The following PKP4 variants were observed in gnomAD, a reference collection of about 807,000 sequenced individuals.
PKP4 encodes plakophilin-4.
A neutral mutation model predicts 145.1 loss-of-function variants in PKP4; 90 were observed. The ratio of observed to expected loss-of-function variants is 0.62; its 90% CI spans 0.52 to 0.74. The LOEUF (loss-of-function observed/expected upper bound fraction) is 0.74, where lower values mean the gene tolerates loss of function less well. PKP4 is among the 30% of genes least tolerant of loss of function. The pLI, the probability that PKP4 is intolerant of heterozygous loss-of-function variation, is 0.00. For missense variants in PKP4, 1,340 were observed against 1,482.7 expected (o/e 0.90, Z 1.58); for synonymous variants, 563 against 577.2 (o/e 0.98, Z 0.35).
chr2:158,462,705 G>A (rs1229179684), intron 1 of PKP4, among the ~76,000 whole-genome samples: 1 of 152,114 alleles, frequency 6.6e-6, no homozygotes, highest in Non-Finnish European at 1.5e-5. Flanking sequence ...GTAGTGAGGT[G>A]TCATGATTAG....
intron 7 of PKP4, among the ~76,000 whole-genome samples, chr2:158,626,710 A>AAAT: frequency 6.6e-6 from 1 of 152,332 alleles, no homozygotes; most frequent in Non-Finnish European, 1.5e-5. Context: ...CCAATCTGAT[A>AAAT]GGTAAAAAGC....
chr2:158,553,648 C>T (rs916758354), intron 2 of PKP4, among the ~76,000 whole-genome samples: 3 of 152,176 alleles, frequency 2.0e-5, no homozygotes, highest in African/African-American at 7.2e-5. Context: ...GACTTTAAAC[C>T]TTGTCCCGCT....
intron 4 of PKP4, among the ~76,000 whole-genome samples, chr2:158,609,362 C>A (rs1265241673): frequency 6.6e-6 from 1 of 152,116 alleles, no homozygotes; most frequent in Non-Finnish European, 1.5e-5. Flanking sequence ...GACCATCAGT[C>A]CACTTAGTCT....
At chr2:158,594,284 TCTTG>T (rs2049527662) in intron 3 of PKP4, among the ~76,000 whole-genome samples, 1 of 152,172 alleles carries the variant, frequency 6.6e-6, no homozygotes, top group Admixed American at 6.5e-5. Flanking sequence ...ATTCAAGTGC[TCTTG>T]CTTTTCTGTA....
At position 158,642,599 on chromosome 2, in the gene PKP4, A is replaced by G; in HGVS notation, c.1809A>G (p.Thr603=). The G allele has an allele frequency of 1.2e-6, 2 of 1,613,852 alleles. No individual in the cohort carries two copies. The highest frequency in any genetic ancestry group is 2.7e-5 in the African/African-American group (2 of 75,068). The change falls in exon 11 of 22, where the codon ACA becomes ACG. Residue 603 remains threonine, a synonymous_variant. Coordinates refer to ENST00000389759, the MANE Select transcript of PKP4 (RefSeq NM_003628.6). The part of the protein sequence containing the change: ...ALRNLVFGKS[T]DENKIAMKNV... ...GAAACCTCGTTTTTGGCAAGTCTAC[A>G]GATGAAAATAAAATAGCAATGAAGA...
intron 2 of PKP4, among the ~76,000 whole-genome samples, chr2:158,552,397 G>A (rs1196796712): frequency 6.6e-6 from 1 of 152,238 alleles, no homozygotes; most frequent in Admixed American, 6.5e-5. Flanking sequence ...TGCTACTACA[G>A]AGTTTGGCAT....
chr2:158,617,022 C>A (rs2051696573), intron 4 of PKP4, among the ~76,000 whole-genome samples: 1 of 152,096 alleles, frequency 6.6e-6, no homozygotes, highest in Non-Finnish European at 1.5e-5. Context: ...GGATAATATA[C>A]CAGATTTTCA....
intron 1 of PKP4, among the ~76,000 whole-genome samples, chr2:158,482,647 G>C (rs541512523): frequency 6.6e-6 from 1 of 152,200 alleles, no homozygotes; most frequent in Non-Finnish European, 1.5e-5. Flanking sequence ...ACCAGTCTGG[G>C]CAACACAGGG....
At chr2:158,480,305 C>T (rs770983835) in intron 1 of PKP4, among the ~76,000 whole-genome samples, 5 of 152,116 alleles carry the variant, frequency 3.3e-5, no homozygotes, top group Non-Finnish European at 5.9e-5. Context: ...AGTGCGATCT[C>T]GGCTCACTGC....
intron 17 of PKP4, 120 bp from the exon 18 acceptor site, chr2:158,673,557 C>T: frequency 1.3e-6 from 1 of 748,206 alleles, no homozygotes; most frequent in African/African-American, 1.7e-5. Context: ...CTGCAGTAGC[C>T]TCCATCCCTG....
chr2:158,484,083 G>C (rs1031594631), intron 1 of PKP4, among the ~76,000 whole-genome samples: 1 of 148,568 alleles, frequency 6.7e-6, no homozygotes, highest in Admixed American at 6.8e-5. Context: ...CGCCCAGGCC[G>C]GACTGCGGAC....
At chr2:158,570,505 AT>A (rs1559338683) in intron 2 of PKP4, among the ~76,000 whole-genome samples, 1 of 152,282 alleles carries the variant, frequency 6.6e-6, no homozygotes, top group South Asian at 2.1e-4. Context: ...CAGAAAGTAG[AT>A]TTTTTTGAAA....
intron 11 of PKP4, 30 bp from the exon 12 acceptor site, chr2:158,658,097 CTATT>C (rs1558965029): frequency 1.7e-6 from 2 of 1,197,064 alleles, no homozygotes; most frequent in Admixed American, 1.9e-5. Context: ...CACAGGATCT[CTATT>C]TGTTTGATTT....
intron 1 of PKP4, among the ~76,000 whole-genome samples, chr2:158,467,317 C>T (rs1406065522): frequency 1.3e-5 from 2 of 152,168 alleles, no homozygotes; most frequent in African/African-American, 4.8e-5. Context: ...ACATTTCCAT[C>T]ACCACAACGC....
chr2:158,553,170 G>A (rs1449351725), intron 2 of PKP4, among the ~76,000 whole-genome samples: 1 of 152,134 alleles, frequency 6.6e-6, no homozygotes, highest in Non-Finnish European at 1.5e-5. Context: ...AAATCAAGGG[G>A]AAACCTCTCA....
At chr2:158,532,688 C>T (rs948774407) in intron 1 of PKP4, among the ~76,000 whole-genome samples, 26 of 152,300 alleles carry the variant, frequency 1.7e-4, no homozygotes, top group Middle Eastern at 3.4e-3. Flanking sequence ...TTTTCAACAC[C>T]ACATTCCTAG....
intron 3 of PKP4, among the ~76,000 whole-genome samples, chr2:158,582,160 TA>T (rs2048382813): frequency 6.6e-6 from 1 of 152,186 alleles, no homozygotes; most frequent in South Asian, 2.1e-4. Context: ...CAGGTAATAT[TA>T]TCTGTGTATT....
In PKP4 at chr2:158,516,607, A is replaced by G. The variant is rs1574225795; in HGVS notation, c.-5-16573A>G. ...GTAGAAAGAAAAACCAGTATGGGCTAAAAAGACAACCACTAGGTAAGATAG... is the reference window on the plus strand; with the variant it reads ...GTAGAAAGAAAAACCAGTATGGGCTGAAAAGACAACCACTAGGTAAGATAG... On this transcript the variant is annotated intron_variant, in intron 1 of 21. Transcript: ENST00000389759. 2.6e-5 allele frequency among the ~76,000 whole-genome samples: 4 copies of G among 152,258 alleles called. No individual in the cohort carries two copies. The South Asian group carries it at 8.3e-4, about 32-fold the overall frequency.
intron 11 of PKP4, among the ~76,000 whole-genome samples, chr2:158,650,234 A>G (rs2055230553): frequency 6.6e-6 from 1 of 152,236 alleles, no homozygotes; most frequent in African/African-American, 2.4e-5. Flanking sequence ...TGTGTGTCCC[A>G]TATGGGCAAT....
Sources: allele counts gnomAD v4.1 joint callset (sites outside exome capture counted in the v4.1 genomes callset), GRCh38; gene constraint gnomAD v4.1.1; transcripts MANE v1.5; gene names NCBI Gene and HGNC (gene_info 2026-07-23, HGNC 2026-07-21).